The following MRPS6 variants were observed in gnomAD, a reference collection of about 807,000 sequenced individuals.
The protein encoded by MRPS6 is mitochondrial ribosomal protein S6.
A neutral mutation model predicts 13.1 loss-of-function variants in MRPS6; 6 were observed. The observed-to-expected ratio is 0.46, with a 90% confidence interval of 0.25 to 0.91. The LOEUF (loss-of-function observed/expected upper bound fraction) is 0.91. Among genes scored for constraint, MRPS6 ranks in the 40% least tolerant of loss-of-function variants. The probability of loss-of-function intolerance (pLI) is 0.18; values close to 1 mark genes in which losing one functional copy is unlikely to be tolerated. For missense variants in MRPS6, 164 were observed against 155.6 expected (o/e 1.05, Z -0.29); for synonymous variants, 61 against 56.5 (o/e 1.08, Z -0.36).
intron 2 of MRPS6, among the ~76,000 whole-genome samples, chr21:34,134,505 G>A (rs1980618327): frequency 6.6e-6 from 1 of 152,126 alleles, no homozygotes. Flanking sequence ...GCTTTATAGC[G>A]ATGATTAGCA....
chr21:34,100,611 T>G (rs1183366029), intron 1 of MRPS6: 1 of 1,000,124 alleles, frequency 1.0e-6, no homozygotes, highest in African/African-American at 1.7e-5. Context: ...GGATGATACC[T>G]CAAGAAATTA....
chr21:34,142,575 A>G lies in MRPS6; in HGVS notation c.353A>G (p.Tyr118Cys). ...CCAGTCCCACTCGCAGAAAAATTATATTCCACAAAGAAGAGGAAGAAGTGA... is the reference window on the plus strand; with the variant it reads ...CCAGTCCCACTCGCAGAAAAATTATGTTCCACAAAGAAGAGGAAGAAGTGA... ...IVPVPLAEKL[Y>C]STKKRKK The change falls in exon 3 of 3, where the codon TAT becomes TGT. Residue 118 changes from tyrosine to cysteine, a missense_variant. Coordinates refer to ENST00000399312, the MANE Select transcript of MRPS6 (RefSeq NM_032476.4). 4 of 1,606,786 alleles carry G rather than the reference A, an allele frequency of 2.5e-6. No individual in the cohort carries two copies. Among genetic ancestry groups the G allele is most frequent in the Non-Finnish European group, 3.4e-6 (4 of 1,178,016 alleles).
At chr21:34,120,707 G>A (rs976617388) in intron 1 of MRPS6, among the ~76,000 whole-genome samples, 7 of 151,928 alleles carry the variant, frequency 4.6e-5, no homozygotes, top group African/African-American at 1.7e-4. Context: ...TATGTGTATT[G>A]GAATTTGATA....
intron 1 of MRPS6, among the ~76,000 whole-genome samples, chr21:34,121,658 A>G: frequency 6.6e-6 from 1 of 152,184 alleles, no homozygotes; most frequent in East Asian, 1.9e-4. Flanking sequence ...CTCTTAGAAT[A>G]GTTGGAATTG....
chr21:34,134,905 CTAAG>C (rs2123269790), intron 2 of MRPS6, among the ~76,000 whole-genome samples: 1 of 152,292 alleles, frequency 6.6e-6, no homozygotes, highest in Non-Finnish European at 1.5e-5. Flanking sequence ...GGGCATTTGG[CTAAG>C]TGATGTTAGG....
chr21:34,086,901 C>T (rs539853113), intron 1 of MRPS6, among the ~76,000 whole-genome samples: 3 of 152,150 alleles, frequency 2.0e-5, no homozygotes, highest in African/African-American at 7.2e-5. Context: ...GGAATTGTTG[C>T]TTGCCGGCAC....
At chr21:34,141,800 TGCCC>T (rs1980916351) in intron 2 of MRPS6, among the ~76,000 whole-genome samples, 1 of 152,220 alleles carries the variant, frequency 6.6e-6, no homozygotes, top group African/African-American at 2.4e-5. Context: ...CCGTGCGGGA[TGCCC>T]GTCGACATTA....
intron 1 of MRPS6, chr21:34,102,342 C>G: frequency 1.0e-6 from 1 of 999,378 alleles, no homozygotes; most frequent in Non-Finnish European, 1.2e-6. Context: ...ACTGATTCAC[C>G]TTTAAAGGAA....
At chr21:34,114,373 G>A (rs1979820878) in intron 1 of MRPS6, among the ~76,000 whole-genome samples, 1 of 152,134 alleles carries the variant, frequency 6.6e-6, no homozygotes, top group African/African-American at 2.4e-5. Context: ...GAAGATCATT[G>A]CTTAAAATCT....
At chr21:34,087,371 G>T (rs901987270) in intron 1 of MRPS6, among the ~76,000 whole-genome samples, 4 of 152,132 alleles carry the variant, frequency 2.6e-5, no homozygotes, top group African/African-American at 9.7e-5. Flanking sequence ...GAACTTAGTT[G>T]TTAATATTTG....
chr21:34,082,464 C>A (rs73899950), intron 1 of MRPS6, among the ~76,000 whole-genome samples: 2,424 of 152,206 alleles, frequency 0.016, 75 homozygotes, highest in African/African-American at 0.054. Flanking sequence ...TTGGTTTGTA[C>A]CCGTTGTATT....
chr21:34,120,426 C>G (rs1382197020), intron 1 of MRPS6, among the ~76,000 whole-genome samples: 1 of 152,150 alleles, frequency 6.6e-6, no homozygotes, highest in East Asian at 1.9e-4. Flanking sequence ...CCCTTTGATT[C>G]TAGTCCACTC....
At chr21:34,078,711 AAAAG>A (rs1989390722) in intron 1 of MRPS6, among the ~76,000 whole-genome samples, 2 of 152,216 alleles carry the variant, frequency 1.3e-5, no homozygotes, top group African/African-American at 4.8e-5. Context: ...TAACTCATCT[AAAAG>A]AAACCTGGAA....
Position 34,096,095 on chromosome 21 carries a change from T to C in MRPS6, c.45+22350T>C. 6.2e-7 allele frequency: 1 copy of C among 1,614,164 alleles called. No individual in the cohort carries two copies. The highest frequency in any genetic ancestry group is 8.5e-7 in the Non-Finnish European group (1 of 1,180,010). ...ACATTGCTCATGCCAAAGGCTCTAC[T>C]CTTATGGCTGGCTTCTTAAAGCTCC... On this transcript the variant is annotated intron_variant, in intron 1 of 2. Coordinates refer to ENST00000399312, the MANE Select transcript of MRPS6 (RefSeq NM_032476.4). This position sits in a 1 kb window ranked among gnomAD's most constrained non-coding sequence, Gnocchi z 5.9.
chr21:34,077,515 C>T (rs1454904580), intron 1 of MRPS6, among the ~76,000 whole-genome samples: 2 of 152,110 alleles, frequency 1.3e-5, no homozygotes, highest in African/African-American at 4.8e-5. Flanking sequence ...AGGTTAATGG[C>T]TTAATAACTA....
In MRPS6 at chr21:34,096,589, G is replaced by A; in HGVS notation, c.45+22844G>A. 6.2e-7 allele frequency: 1 copy of A among 1,614,112 alleles called. No individual in the cohort carries two copies. The highest frequency in any genetic ancestry group is 8.5e-7 in the Non-Finnish European group (1 of 1,180,014). On this transcript the variant is annotated intron_variant, in intron 1 of 2. Coordinates refer to ENST00000399312, the MANE Select transcript of MRPS6 (RefSeq NM_032476.4). This position sits in a 1 kb window ranked among gnomAD's most constrained non-coding sequence, Gnocchi z 5.9. ...TTCCTGCTGGCAATTTTCTGGAAGC[G>A]CTGCAATGAACAAGGGGCTTTCTAT...
intron 2 of MRPS6, among the ~76,000 whole-genome samples, chr21:34,141,650 A>G (rs1053851576): frequency 2.0e-5 from 3 of 152,154 alleles, no homozygotes; most frequent in African/African-American, 4.8e-5. Flanking sequence ...TAGTCACATA[A>G]TGGTCCAAAT....
intron 2 of MRPS6, among the ~76,000 whole-genome samples, chr21:34,134,087 T>C (rs564922156): frequency 5.3e-4 from 80 of 152,196 alleles, no homozygotes; most frequent in African/African-American, 1.7e-3. Context: ...TGATTTGAGG[T>C]TGATCACACT....
chr21:34,098,817 C>T (rs560706049), intron 1 of MRPS6: 9 of 999,768 alleles, frequency 9.0e-6, no homozygotes, highest in South Asian at 4.7e-5. Context: ...TCTGTGTCTT[C>T]GTATGCTCAA....
Sources: allele counts gnomAD v4.1 joint callset (sites outside exome capture counted in the v4.1 genomes callset), GRCh38; gene constraint gnomAD v4.1.1; non-coding constraint Gnocchi (gnomAD v3.1); transcripts MANE v1.5; gene names NCBI Gene and HGNC (gene_info 2026-07-23, HGNC 2026-07-21).